CENPW: variants seen among roughly 807,000 people sequenced by gnomAD.
The protein encoded by CENPW is cancer-up-regulated gene 2 protein.
In CENPW, 3 loss-of-function variants were observed where a neutral mutation model predicts 11.1. The ratio of observed to expected loss-of-function variants is 0.27; its 90% CI spans 0.12 to 0.70. The LOEUF is 0.70. CENPW is among the 30% of genes least tolerant of loss of function. The pLI is 0.77. For missense variants in CENPW, 100 were observed against 105.6 expected (o/e 0.95, Z 0.23); for synonymous variants, 38 against 42.0 (o/e 0.91, Z 0.37).
the CENPW span, among the ~76,000 whole-genome samples, chr6:126,411,920 C>T: frequency 8.4e-4 from 76 of 90,158 alleles, no homozygotes; most frequent in African/African-American, 2.7e-3. Context: ...CCCTCCCCCT[C>T]CCTCCTTTCT....
the CENPW span, among the ~76,000 whole-genome samples, chr6:126,422,542 A>G: frequency 1.3e-5 from 2 of 151,892 alleles, no homozygotes; most frequent in Non-Finnish European, 1.5e-5. Flanking sequence ...CTAAATTAGG[A>G]CCTCACCCTT....
the CENPW span, among the ~76,000 whole-genome samples, chr6:126,458,847 C>T: frequency 2.6e-5 from 4 of 151,162 alleles, no homozygotes; most frequent in Admixed American, 2.6e-4. Flanking sequence ...ATAAAATGTA[C>T]CTTATATGTC....
At chr6:126,385,524 A>G in the CENPW span, among the ~76,000 whole-genome samples, 1 of 152,142 alleles carries the variant, frequency 6.6e-6, no homozygotes, top group African/African-American at 2.4e-5. Context: ...TTATGAAAGA[A>G]GACTAAATAT....
the CENPW span, among the ~76,000 whole-genome samples, chr6:126,470,881 A>T: frequency 6.6e-6 from 1 of 152,210 alleles, no homozygotes; most frequent in East Asian, 1.9e-4. Context: ...TCCCATTTGT[A>T]ATGAGAACAT....
the CENPW span, among the ~76,000 whole-genome samples, chr6:126,404,485 T>C: frequency 6.6e-6 from 1 of 152,094 alleles, no homozygotes; most frequent in African/African-American, 2.4e-5. Context: ...AGTGCAGATA[T>C]CTCTTCAACA....
At chr6:126,448,032 A>G in the CENPW span, among the ~76,000 whole-genome samples, 1 of 151,186 alleles carries the variant, frequency 6.6e-6, no homozygotes, top group African/African-American at 2.4e-5. Flanking sequence ...TGGTCCTCAA[A>G]TTTTTATGTT....
chr6:126,418,516 G>T, the CENPW span, among the ~76,000 whole-genome samples: 1 of 152,288 alleles, frequency 6.6e-6, no homozygotes, highest in East Asian at 1.9e-4. Flanking sequence ...ATGTAACACA[G>T]GAGATTTTTG....
At chr6:126,463,363 G>T in the CENPW span, among the ~76,000 whole-genome samples, 128 of 152,090 alleles carry the variant, frequency 8.4e-4, no homozygotes, top group African/African-American at 3.0e-3. Context: ...ATAAGAATGA[G>T]ATAAGCCATC....
the CENPW span, among the ~76,000 whole-genome samples, chr6:126,447,456 A>G: frequency 6.6e-6 from 1 of 151,234 alleles, no homozygotes; most frequent in Admixed American, 6.6e-5. Context: ...AAGAAGACTG[A>G]TTAAATAGAG....
the CENPW span, among the ~76,000 whole-genome samples, chr6:126,473,668 G>A: frequency 6.6e-6 from 1 of 151,848 alleles, no homozygotes; most frequent in Non-Finnish European, 1.5e-5. Context: ...GGGAGGCGGA[G>A]GTTGCAGCGA....
the CENPW span, among the ~76,000 whole-genome samples, chr6:126,468,745 A>G: frequency 6.6e-6 from 1 of 152,220 alleles, no homozygotes; most frequent in Non-Finnish European, 1.5e-5. Flanking sequence ...TGTAAGACTT[A>G]CATTGGAATA....
the CENPW span, among the ~76,000 whole-genome samples, chr6:126,403,997 A>G: frequency 2.0e-5 from 3 of 152,018 alleles, no homozygotes; most frequent in Non-Finnish European, 4.4e-5. Context: ...TTACAGTTCC[A>G]AAAATCCTAG....
the CENPW span, among the ~76,000 whole-genome samples, chr6:126,466,715 G>T: frequency 1.3e-5 from 2 of 151,978 alleles, no homozygotes; most frequent in South Asian, 2.1e-4. Context: ...TATATATAAT[G>T]TAAGGAAGGG....
chr6:126,390,627 C>G, the CENPW span, among the ~76,000 whole-genome samples: 1 of 151,692 alleles, frequency 6.6e-6, no homozygotes, highest in East Asian at 1.9e-4. Context: ...ACCCTTGCAC[C>G]ACCCTTCCCA....
chr6:126,434,750 T>C, the CENPW span, among the ~76,000 whole-genome samples: 1 of 151,990 alleles, frequency 6.6e-6, no homozygotes, highest in East Asian at 1.9e-4. Flanking sequence ...AAAATTACAA[T>C]ACATATAATA....
chr6:126,410,097 A>G, the CENPW span, among the ~76,000 whole-genome samples: 1 of 151,364 alleles, frequency 6.6e-6, no homozygotes, highest in Non-Finnish European at 1.5e-5. Flanking sequence ...AGCTTTATGT[A>G]TTTCTCCATG....
the CENPW span, among the ~76,000 whole-genome samples, chr6:126,362,129 C>T: frequency 6.6e-6 from 1 of 152,148 alleles, no homozygotes; most frequent in Non-Finnish European, 1.5e-5. Flanking sequence ...ACTGATGCAC[C>T]CCAGTCCTGC....
At chr6:126,437,857 G>A in the CENPW span, among the ~76,000 whole-genome samples, 1 of 151,732 alleles carries the variant, frequency 6.6e-6, no homozygotes. Flanking sequence ...GAAATCAGTT[G>A]ATAGTAGAAG....
At chr6:126,468,675 A>G in the CENPW span, among the ~76,000 whole-genome samples, 1 of 152,118 alleles carries the variant, frequency 6.6e-6, no homozygotes, top group African/African-American at 2.4e-5. Flanking sequence ...ACTATTTGCA[A>G]TTTTTCTGTA....
Sources: allele counts gnomAD v4.1 joint callset (sites outside exome capture counted in the v4.1 genomes callset), GRCh38; gene constraint gnomAD v4.1.1; transcripts MANE v1.5; gene names NCBI Gene and HGNC (gene_info 2026-07-23, HGNC 2026-07-21).